The following PEAR1 variants were observed in gnomAD, a reference collection of about 807,000 sequenced individuals.
The protein encoded by PEAR1 is platelet endothelial aggregation receptor 1.
Under a neutral mutation model 131.2 loss-of-function variants are expected in PEAR1, and 113 were observed. That is an observed-to-expected ratio of 0.86 (90% CI 0.74 to 1.01). The LOEUF (loss-of-function observed/expected upper bound fraction) is 1.01, where lower values mean the gene tolerates loss of function less well. Ranked by LOEUF, PEAR1 falls within the 50% of genes least tolerant of loss-of-function variation. The pLI is 0.00. For missense variants in PEAR1, 1,408 were observed against 1,391.1 expected (o/e 1.01, Z -0.19); for synonymous variants, 565 against 523.3 (o/e 1.08, Z -1.09).
At chr1:156,904,384 A>G (rs1649996271) in intron 2 of PEAR1, among the ~76,000 whole-genome samples, 1 of 152,138 alleles carries the variant, frequency 6.6e-6, no homozygotes, top group African/African-American at 2.4e-5. Flanking sequence ...GGGAGAAAAG[A>G]CCCAGGGCAG....
intron 1 of PEAR1, among the ~76,000 whole-genome samples, chr1:156,903,526 G>T (rs1429629346): frequency 6.6e-6 from 1 of 152,158 alleles, no homozygotes; most frequent in Non-Finnish European, 1.5e-5. Flanking sequence ...GCCTCTGGAG[G>T]TCATGGTCAG....
At position 156,914,734 on chromosome 1, in the gene PEAR1, G is replaced by T. The variant is rs147546001; in HGVS notation, c.3050G>T (p.Gly1017Val). ...YDSPKNSHIPGHYDLPPVRHP... is the reference protein window; with the variant it reads ...YDSPKNSHIPVHYDLPPVRHP... ...TCACCCAAGAACAGCCACATCCCTG[G>T]ACATTATGACTTGCCTCCAGTACGG... is the stretch of plus-strand genomic sequence containing the variant. The change falls in exon 23 of 23, where the codon GGA becomes GTA. Residue 1017 changes from glycine to valine, a missense_variant. Physicochemically the swap from Gly to Val is moderately radical, Grantham distance 109. Transcript: ENST00000292357. 3.5e-5 allele frequency: 57 copies of T among 1,614,058 alleles called. No homozygotes were observed. The African/African-American group carries it at 7.1e-4, about 20-fold the overall frequency.
chr1:156,905,452 G>A, intron 4 of PEAR1, 28 bp downstream of exon 4: 1 of 1,569,134 alleles, frequency 6.4e-7, no homozygotes, highest in Non-Finnish European at 8.6e-7. Context: ...TTAGGGAGCG[G>A]GGTGGGGCAA....
rs904529853 is a variant in PEAR1 at position 156,900,176 on chromosome 1, C to T, written c.-9-3742C>T. ...GGGCAGGGATGCTGGGCTGCGCAGG[C>T]GGGACTGGGATCTCAGGGCCTGGCC... On this transcript the variant is annotated intron_variant, in intron 1 of 22. Coordinates refer to ENST00000292357, the MANE Select transcript of PEAR1 (RefSeq NM_001080471.3). Among the ~76,000 whole-genome samples the T allele has an allele frequency of 4.6e-5, 7 of 152,110 alleles. No individual in the cohort carries two copies. The East Asian group carries it at 7.7e-4, about 17-fold the overall frequency.
Position 156,906,293 on chromosome 1 carries a change from T to G in PEAR1, c.325T>G (p.Cys109Gly). The change falls in exon 5 of 23, where the codon TGT (cysteine) becomes GGT (glycine). Residue 109 changes from cysteine to glycine, a missense_variant. Transcript: ENST00000292357. ...GFCVPLCAQECVHGRCVAPNQ... is the reference protein window; with the variant it reads ...GFCVPLCAQEGVHGRCVAPNQ... ...TGTCCCAGCGCTCTGTGCCCAGGAGTGTGTCCATGGCCGTTGTGTGGCACC... is the reference window on the plus strand; with the variant it reads ...TGTCCCAGCGCTCTGTGCCCAGGAGGGTGTCCATGGCCGTTGTGTGGCACC... 1 of 1,613,920 alleles carries G rather than the reference T, an allele frequency of 6.2e-7. No homozygotes were observed. The highest frequency in any genetic ancestry group is 8.5e-7 in the Non-Finnish European group (1 of 1,179,952).
intron 14 of PEAR1, 105 bp from the exon 15 acceptor site, chr1:156,910,513 C>A: frequency 6.4e-7 from 1 of 1,558,868 alleles, no homozygotes. Context: ...TCTGACCCGT[C>A]TTCAGACTAG....
chr1:156,908,567 C>G lies in PEAR1; in HGVS notation c.1116-88C>G. ...GTGACCCCCTTACCCCAGCGATGTG[C>G]GAATCCCACTGACCACGCGGAGGGG... On this transcript the variant is annotated intron_variant, in intron 9 of 22. Coordinates refer to ENST00000292357, the MANE Select transcript of PEAR1 (RefSeq NM_001080471.3). The surrounding 1 kb of genome is among the most constrained non-coding windows in gnomAD (Gnocchi z 4.2). The G allele has an allele frequency of 2.2e-6, 3 of 1,334,196 alleles. No homozygotes were observed. The highest frequency in any genetic ancestry group is 3.0e-6 in the Non-Finnish European group (3 of 1,002,024). 82.6% of individuals were successfully genotyped at this position (1,334,196 alleles called of 1,614,324 possible).
chr1:156,899,021 A>C (rs931852233), intron 1 of PEAR1, among the ~76,000 whole-genome samples: 2 of 152,218 alleles, frequency 1.3e-5, no homozygotes, highest in Admixed American at 6.5e-5. Flanking sequence ...TTTTGCATCA[A>C]CACACATCCA....
chr1:156,909,547 A>T (rs1472141564), intron 11 of PEAR1, among the ~76,000 whole-genome samples: 1 of 152,228 alleles, frequency 6.6e-6, no homozygotes, highest in African/African-American at 2.4e-5. Context: ...CCCCAGACCC[A>T]GAATGGGGTG....
rs780348327 is a variant in PEAR1 at position 156,913,948 on chromosome 1, G to T, written c.2810G>T (p.Gly937Val). 1 of 1,613,920 alleles carries T rather than the reference G, an allele frequency of 6.2e-7. No individual in the cohort carries two copies. The highest frequency in any genetic ancestry group is 1.3e-5 in the African/African-American group (1 of 74,934). The change falls in exon 22 of 23, where the codon GGC becomes GTC. Residue 937 changes from glycine (G) to valine (V), a missense_variant. Gly to Val is a moderately radical substitution (Grantham distance 109). Transcript: ENST00000292357. ...TIRDLPSLPG[G>V]PRESSYMEMK... is the part of the protein sequence containing the mutation. ...CGGGACCTGCCCAGCTTGCCAGGGG[G>T]CCCCCGGGAGAGCAGCTACATGGAG...
In PEAR1 at chr1:156,902,779, C is replaced by T. The variant is rs1231351714; in HGVS notation, c.-9-1139C>T. Among the ~76,000 whole-genome samples, 1 of 152,140 alleles carries T rather than the reference C, an allele frequency of 6.6e-6. No individual in the cohort carries two copies. The highest frequency in any genetic ancestry group is 1.5e-5 in the Non-Finnish European group (1 of 68,028). ...GGAACACGGAATGCAGACCCTGAAG[C>T]CGGCTGCGGGGATGGGCACTGCGGT... On this transcript the variant is annotated intron_variant, in intron 1 of 22. Coordinates refer to ENST00000292357, the MANE Select transcript of PEAR1 (RefSeq NM_001080471.3). The surrounding 1 kb of genome is among the most constrained non-coding windows in gnomAD (Gnocchi z 4.3).
Position 156,913,269 on chromosome 1 carries a change from C to G in PEAR1, c.2498C>G (p.Pro833Arg), listed in dbSNP as rs1450111073. Residue 833 changes from proline (P) to arginine (R), a missense_variant, in exon 19 of 23, where the codon CCA becomes CGA. Pro to Arg is a moderately radical substitution (Grantham distance 103). Coordinates refer to ENST00000292357, the MANE Select transcript of PEAR1 (RefSeq NM_001080471.3). ...HTLSQCSPNP[P>R]PPNKVPGPLF... ...CTGTCGCAGTGCTCCCCAAACCCCC[C>G]ACCCCCTAACAAGGTCAGTGCCGGG... The G allele has an allele frequency of 6.2e-7, 1 of 1,606,430 alleles. No individual in the cohort carries two copies. Among genetic ancestry groups the G allele is most frequent in the East Asian group, 2.2e-5 (1 of 44,800 alleles).
At chr1:156,911,037 T>TTTTCTTTCTTTC (rs71681254) in intron 15 of PEAR1, among the ~76,000 whole-genome samples, 1,943 of 113,244 alleles carry the variant, frequency 0.017, 41 homozygotes, top group Non-Finnish European at 0.02. Context: ...CTTGATTTCT[T>TTTTCTTTCTTTC]TTTCTTTCTT....
chr1:156,898,877 G>A (rs1649413344), intron 1 of PEAR1, among the ~76,000 whole-genome samples: 1 of 152,232 alleles, frequency 6.6e-6, no homozygotes, highest in Admixed American at 6.5e-5. Context: ...CGGAAAAAGA[G>A]AGGCAGGAAG....
chr1:156,903,963 G>A lies in PEAR1; in HGVS notation c.37G>A (p.Val13Met). ...PPLCPLLLLA[V>M]GLRLAGTLNP... is the part of the protein sequence containing the mutation. Reference sequence around the variant, plus strand: ...TCTGTGTCCCCTCCTTCTCCTGGCTGTGGGCCTGCGGCTGGCTGGAACTCT... The same window carrying A: ...TCTGTGTCCCCTCCTTCTCCTGGCTATGGGCCTGCGGCTGGCTGGAACTCT... Residue 13 changes from valine to methionine, a missense_variant, in exon 2 of 23, where the codon GTG (valine) becomes ATG (methionine). Physicochemically the swap from Val to Met is conservative, Grantham distance 21. Coordinates refer to ENST00000292357, the MANE Select transcript of PEAR1 (RefSeq NM_001080471.3). 1 of 1,614,088 alleles carries A rather than the reference G, an allele frequency of 6.2e-7. No homozygotes were observed. The highest frequency in any genetic ancestry group is 1.3e-5 in the African/African-American group (1 of 75,030).
chr1:156,915,996 G>A lies in PEAR1; in HGVS notation c.*1198G>A, dbSNP rs1651829293. ...GGGTAACAACGCAGAGCTCAGGTGT[G>A]GGAAGGTGCCAGGGGCAGGGGTGCA... On this transcript the variant is annotated 3_prime_UTR_variant, in exon 23 of 23. Transcript: ENST00000292357. The A allele has an allele frequency of 6.6e-6, 1 of 152,302 alleles. No individual in the cohort carries two copies. Among genetic ancestry groups the A allele is most frequent in the Admixed American group, 6.5e-5 (1 of 15,282 alleles). 9.4% of individuals were successfully genotyped at this position (152,302 alleles called of 1,614,324 possible). A position where few individuals can be genotyped will look rare whatever the true frequency, so the allele number is the denominator to read the frequency against.
In PEAR1 at chr1:156,904,868, C is replaced by T. The variant is rs762604424; in HGVS notation, c.206+16C>T. 71 of 1,613,804 alleles carry T rather than the reference C, an allele frequency of 4.4e-5. No individual in the cohort carries two copies. The highest frequency in any genetic ancestry group is 6.0e-5 in the Non-Finnish European group (71 of 1,179,872). ...CCCAGCCCACGTGAGTGCTCCTCAT[C>T]CTCCATGGGTGGATGGGCTACCTGA... On this transcript the variant is annotated intron_variant, in intron 3 of 22. Coordinates refer to ENST00000292357, the MANE Select transcript of PEAR1 (RefSeq NM_001080471.3).
At chr1:156,909,072 G>T in intron 11 of PEAR1, 36 bp downstream of exon 11, 1 of 1,612,330 alleles carries the variant, frequency 6.2e-7, no homozygotes, top group Non-Finnish European at 8.5e-7. Flanking sequence ...GAAGACTTGG[G>T]GGATGGCCAA....
intron 6 of PEAR1, 52 bp from the exon 7 acceptor site, chr1:156,907,557 AG>A: frequency 6.4e-7 from 1 of 1,569,670 alleles, no homozygotes; most frequent in East Asian, 2.3e-5. Context: ...GAGGCAAGAG[AG>A]GAAGCAGTTA....
Sources: allele counts gnomAD v4.1 joint callset (sites outside exome capture counted in the v4.1 genomes callset), GRCh38; gene constraint gnomAD v4.1.1; non-coding constraint Gnocchi (gnomAD v3.1); transcripts MANE v1.5; gene names NCBI Gene and HGNC (gene_info 2026-07-23, HGNC 2026-07-21).